Variants in DDX17 observed in about 807,000 individuals in gnomAD.
The protein encoded by DDX17 is DEAD-box helicase 17.
A neutral mutation model predicts 80.8 loss-of-function variants in DDX17; 10 were observed. The ratio of observed to expected loss-of-function variants is 0.12; its 90% CI spans 0.08 to 0.21. The LOEUF is 0.21. Among genes scored for constraint, DDX17 ranks in the 10% least tolerant of loss-of-function variants. DDX17 has a pLI of 1.00. For missense variants in DDX17, 586 were observed against 957.4 expected, an observed-to-expected ratio of 0.61 and a Z score of 5.12; for synonymous variants, 339 against 336.2, an observed-to-expected ratio of 1.01 and a Z score of -0.09.
rs774597909 is a variant in DDX17 at position 38,505,900 on chromosome 22, G to A, written c.287+51C>T. 13 of 1,528,330 alleles carry A rather than the reference G, an allele frequency of 8.5e-6. No individual in the cohort carries two copies. In the Admixed American group the frequency reaches 2.3e-4, roughly 27 times the overall value. 94.7% of individuals were successfully genotyped at this position (1,528,330 alleles called of 1,614,324 possible). On this transcript the variant is annotated intron_variant, in intron 1 of 12. Transcript: ENST00000403230. ...GCAGTCCGCCGGGCCTCCCCAAGAA[G>A]CAACTCCCCCACCCCCACGCCAGGC...
intron 11 of DDX17, 21 bp downstream of exon 11, chr22:38,492,035 G>C: frequency 6.4e-7 from 1 of 1,571,150 alleles, no homozygotes; most frequent in South Asian, 1.2e-5. Context: ...ACCATTGACA[G>C]AGACACCTAT....
chr22:38,500,414 G>A (rs528556423), intron 2 of DDX17, among the ~76,000 whole-genome samples: 2 of 150,944 alleles, frequency 1.3e-5, no homozygotes, highest in East Asian at 2.0e-4. Flanking sequence ...AGGCTGAGGC[G>A]GGCAGATCAC....
Position 38,495,433 on chromosome 22 carries a change from G to A in DDX17, c.880+363C>T, listed in dbSNP as rs1408210150. ...GCTAATTTTTCGTATTTTTAGTAGAGACGGGGTTTCACCATGTTAGCCAGG... is the reference window on the plus strand; with the variant it reads ...GCTAATTTTTCGTATTTTTAGTAGAAACGGGGTTTCACCATGTTAGCCAGG... On this transcript the variant is annotated intron_variant, in intron 6 of 12. Transcript: ENST00000403230. Among the ~76,000 whole-genome samples the A allele has an allele frequency of 3.3e-5, 5 of 152,068 alleles. No individual in the cohort carries two copies. In the East Asian group the frequency reaches 9.6e-4, roughly 29 times the overall value.
At position 38,492,127 on chromosome 22, in the gene DDX17, A is replaced by C. The variant is rs1219568659; in HGVS notation, c.1388-12T>G. 6.2e-7 allele frequency: 1 copy of C among 1,604,272 alleles called. No homozygotes were observed. Among genetic ancestry groups the C allele is most frequent in the East Asian group, 2.2e-5 (1 of 44,652 alleles). The stretch of plus-strand genomic sequence containing the variant: ...TCCAGAACGGAACTCTGTAAAAACA[A>C]ACAATAATCATCATCAAATAAGCAT... On this transcript the variant is annotated splice_polypyrimidine_tract_variant and intron_variant, in intron 10 of 12. Transcript: ENST00000403230.
intron 12 of DDX17, among the ~76,000 whole-genome samples, chr22:38,487,636 A>C (rs2089673396): frequency 6.6e-6 from 1 of 152,158 alleles, no homozygotes; most frequent in South Asian, 2.1e-4. Flanking sequence ...ACAAACAAAC[A>C]AAACCAAACC....
Position 38,489,093 on chromosome 22 carries a change from G to T in DDX17, c.1448-978C>A. On this transcript the variant is annotated intron_variant, in intron 11 of 12. Transcript: ENST00000403230. The surrounding 1 kb of genome is among the most constrained non-coding windows in gnomAD (Gnocchi z 4.6). ...TACCTACTTAAACAAACAATTTTAA[G>T]AATATAACAAAGAATCCTACTGTTT... is the stretch of plus-strand genomic sequence containing the variant. The T allele has an allele frequency of 2.0e-6, 2 of 983,856 alleles. No homozygotes were observed. Among genetic ancestry groups the T allele is most frequent in the Non-Finnish European group, 2.4e-6 (2 of 828,616 alleles). 60.9% of individuals were successfully genotyped at this position (983,856 alleles called of 1,614,324 possible). A position where few individuals can be genotyped will look rare whatever the true frequency, so the allele number is the denominator to read the frequency against.
In DDX17 at chr22:38,489,775, T is replaced by G; in HGVS notation, c.1448-1660A>C. 2.0e-6 allele frequency: 2 copies of G among 985,494 alleles called. No individual in the cohort carries two copies. The highest frequency in any genetic ancestry group is 2.4e-6 in the Non-Finnish European group (2 of 830,044). The allele number at this position is 985,494 out of a possible 1,614,324, so 61.0% of individuals were successfully genotyped here. A position where few individuals can be genotyped will look rare whatever the true frequency, so the allele number is the denominator to read the frequency against. ...AAGGCACTTATCACAGGGGGCAGCTTGAGTCTCCGGCTAGGGTCGTTGACG... is the reference window on the plus strand; with the variant it reads ...AAGGCACTTATCACAGGGGGCAGCTGGAGTCTCCGGCTAGGGTCGTTGACG... On this transcript the variant is annotated intron_variant, in intron 11 of 12. Transcript: ENST00000403230. This position sits in a 1 kb window ranked among gnomAD's most constrained non-coding sequence, Gnocchi z 4.6.
rs775111424 is a variant in DDX17, at chr22:38,501,221, C to T, written c.347G>A (p.Arg116His). ...CAAATCCCACTTTTTTTTACGCAAA[C>T]GCTCCCCAGGATTACCAAATTTCTT... is the stretch of plus-strand genomic sequence containing the variant. The change falls in exon 2 of 13, where the codon CGT becomes CAT. Residue 116 changes from arginine (R) to histidine (H), a missense_variant. By Grantham distance (29) the Arg-to-His change is conservative (BLOSUM62 0). Around this residue, in one of 4 missense-constraint regions of DDX17, gnomAD observed 215 missense variants for 238.4 expected, o/e 0.90. Coordinates refer to ENST00000403230, the MANE Select transcript of DDX17 (RefSeq NM_006386.5). 7 of 1,613,608 alleles carry T rather than the reference C, an allele frequency of 4.3e-6. No individual in the cohort carries two copies. Among genetic ancestry groups the T allele is most frequent in the Non-Finnish European group, 5.9e-6 (7 of 1,179,882 alleles).
Position 38,486,104 on chromosome 22 carries a change from C to T in DDX17, c.2021G>A (p.Ser674Asn). Residue 674 changes from serine (S) to asparagine (N), a missense_variant, in exon 13 of 13, where the codon AGC becomes AAC. Physicochemically the swap from Ser to Asn is conservative, Grantham distance 46. Around this residue, in one of 4 missense-constraint regions of DDX17, gnomAD observed 221 missense variants for 261.4 expected, o/e 0.85. Transcript: ENST00000403230. ...TATCCCACTAAACTGCTGGCTAGAG[C>T]TCTGTGAACTTCTCCCAGTTGAGGT... The T allele has an allele frequency of 6.2e-7, 1 of 1,614,160 alleles. No homozygotes were observed. The highest frequency in any genetic ancestry group is 8.5e-7 in the Non-Finnish European group (1 of 1,180,032).
At chr22:38,494,422 G>C (rs2089741485) in intron 8 of DDX17, 2 of 632,844 alleles carry the variant, frequency 3.2e-6, no homozygotes, top group Non-Finnish European at 5.3e-6. Context: ...GTAATCAGCA[G>C]AGCTAAATTT....
Position 38,489,236 on chromosome 22 carries a change from A to T in DDX17, c.1448-1121T>A. ...TCTGTTTGTTACCAGACCGATGCAC[A>T]CTCCCTCCTCCTTTGGGAAACCGCT... On this transcript the variant is annotated intron_variant, in intron 11 of 12. Coordinates refer to ENST00000403230, the MANE Select transcript of DDX17 (RefSeq NM_006386.5). This position sits in a 1 kb window ranked among gnomAD's most constrained non-coding sequence, Gnocchi z 4.6. 4 of 985,580 alleles carry T rather than the reference A, an allele frequency of 4.1e-6. No individual in the cohort carries two copies. Among genetic ancestry groups the T allele is most frequent in the Non-Finnish European group, 4.8e-6 (4 of 829,882 alleles). The allele number at this position is 985,580 out of a possible 1,614,324, so 61.1% of individuals were successfully genotyped here.
intron 11 of DDX17, chr22:38,491,011 A>G (rs2089708601): frequency 6.5e-6 from 1 of 152,814 alleles, no homozygotes; most frequent in African/African-American, 2.4e-5. Context: ...AAAACCAACC[A>G]TTACTGAAAG....
chr22:38,505,880 C>A, intron 1 of DDX17, 71 bp downstream of exon 1: 3 of 1,506,080 alleles, frequency 2.0e-6, no homozygotes, highest in South Asian at 2.5e-5. Flanking sequence ...GGCTCGCAGT[C>A]CGCCGGGCCT....
At chr22:38,501,041 A>C in intron 2 of DDX17, 89 bp downstream of exon 2, 1 of 1,472,516 alleles carries the variant, frequency 6.8e-7, no homozygotes, top group Non-Finnish European at 9.1e-7. Context: ...ATAAAATGTA[A>C]AACGGCAACA....
At chr22:38,498,912 G>C (rs908646912) in intron 3 of DDX17, among the ~76,000 whole-genome samples, 5 of 152,180 alleles carry the variant, frequency 3.3e-5, no homozygotes, top group African/African-American at 1.2e-4. Flanking sequence ...CTACTCGGGA[G>C]GGTGAAGCAG....
Position 38,500,175 on chromosome 22 carries a change from C to CA in DDX17, c.439-677dup, listed in dbSNP as rs138451. Among the ~76,000 whole-genome samples the CA allele has an allele frequency of 6.6e-3, 874 of 132,110 alleles. 25 individuals carry two copies. The highest frequency in any genetic ancestry group is 0.018 in the African/African-American group (634 of 35,606). 86.7% of individuals were successfully genotyped at this position (132,110 alleles called of 152,430 possible). Reference sequence around the variant, plus strand: ...TAGGGGACAGAGTGAGACTTCACCTCAAAAAAAAAAAAAGCCAATCTATCT... The same window carrying CA: ...TAGGGGACAGAGTGAGACTTCACCTCAAAAAAAAAAAAAAGCCAATCTATCT... On this transcript the variant is annotated intron_variant, in intron 2 of 12. Coordinates refer to ENST00000403230, the MANE Select transcript of DDX17 (RefSeq NM_006386.5).
At chr22:38,498,385 A>C in intron 4 of DDX17, 55 bp downstream of exon 4, 1 of 1,607,636 alleles carries the variant, frequency 6.2e-7, no homozygotes, top group East Asian at 2.2e-5. Flanking sequence ...TATGACAACT[A>C]GAATAGCAAA....
intron 4 of DDX17, 54 bp downstream of exon 4, chr22:38,498,386 G>A (rs1375803378): frequency 2.5e-6 from 4 of 1,607,338 alleles, no homozygotes; most frequent in African/African-American, 1.3e-5. Flanking sequence ...ATGACAACTA[G>A]AATAGCAAAA....
rs1182585954 is a variant in DDX17 at position 38,505,870 on chromosome 22, G to A, written c.287+81C>T. On this transcript the variant is annotated intron_variant, in intron 1 of 12. Transcript: ENST00000403230. ...TCCCGGGTCGAGAGCAAGGCTCCCAGGCTCGCAGTCCGCCGGGCCTCCCCA... is the reference window on the plus strand; with the variant it reads ...TCCCGGGTCGAGAGCAAGGCTCCCAAGCTCGCAGTCCGCCGGGCCTCCCCA... 4.0e-6 allele frequency: 6 copies of A among 1,486,620 alleles called. No homozygotes were observed. The African/African-American group carries it at 5.7e-5, about 14-fold the overall frequency. 92.1% of individuals were successfully genotyped at this position (1,486,620 alleles called of 1,614,324 possible).
Sources: allele counts gnomAD v4.1 joint callset (sites outside exome capture counted in the v4.1 genomes callset), GRCh38; gene constraint gnomAD v4.1.1; regional missense constraint gnomAD v4.1.1; non-coding constraint Gnocchi (gnomAD v3.1); transcripts MANE v1.5; gene names NCBI Gene and HGNC (gene_info 2026-07-23, HGNC 2026-07-21).